Variants in C1QTNF3 observed in about 807,000 individuals in gnomAD.
The protein encoded by C1QTNF3 is complement C1q tumor necrosis factor-related protein 3.
A neutral mutation model predicts 32.6 loss-of-function variants in C1QTNF3; 26 were observed. That is an observed-to-expected ratio of 0.80 (90% CI 0.58 to 1.11). The LOEUF is 1.11. C1QTNF3 is among the 50% of genes least tolerant of loss of function. The probability of loss-of-function intolerance (pLI) is 0.00; values close to 1 mark genes in which losing one functional copy is unlikely to be tolerated. For synonymous variants in C1QTNF3, 155 were observed against 146.0 expected (o/e 1.06, Z -0.44); for missense variants, 362 against 398.2 (o/e 0.91, Z 0.77).
At chr5:34,034,967 T>C (rs1754699128) in intron 2 of C1QTNF3, among the ~76,000 whole-genome samples, 1 of 152,212 alleles carries the variant, frequency 6.6e-6, no homozygotes, top group South Asian at 2.1e-4. Context: ...CAGTGGACTT[T>C]GGCCAGACCC....
At chr5:34,038,603 A>G (rs1461537342) in intron 1 of C1QTNF3, among the ~76,000 whole-genome samples, 2 of 152,166 alleles carry the variant, frequency 1.3e-5, no homozygotes, top group African/African-American at 4.8e-5. Flanking sequence ...AAAGAAATGC[A>G]ATTGTCTTAA....
the C1QTNF3 span, among the ~76,000 whole-genome samples, chr5:34,236,328 T>G: frequency 1.3e-5 from 2 of 151,488 alleles, no homozygotes; most frequent in Non-Finnish European, 2.9e-5. Context: ...GAGGTGGAGG[T>G]TGCAGTGAGC....
the C1QTNF3 span, among the ~76,000 whole-genome samples, chr5:34,048,887 C>T: frequency 6.6e-6 from 1 of 152,186 alleles, no homozygotes; most frequent in Non-Finnish European, 1.5e-5. Flanking sequence ...ATGCTCCTGC[C>T]ACAAGGAACA....
chr5:34,173,270 G>A, the C1QTNF3 span, among the ~76,000 whole-genome samples: 3 of 152,012 alleles, frequency 2.0e-5, no homozygotes, highest in Non-Finnish European at 2.9e-5. Context: ...ACAGTGCCTA[G>A]AATGTACAAT....
chr5:34,168,416 T>C, the C1QTNF3 span: 3 of 151,344 alleles, frequency 2.0e-5, no homozygotes, highest in East Asian at 3.9e-4. Flanking sequence ...TAAACACTTT[T>C]GCAAGGTGAG....
the C1QTNF3 span, among the ~76,000 whole-genome samples, chr5:34,147,536 T>C: frequency 6.6e-6 from 1 of 151,994 alleles, no homozygotes; most frequent in Non-Finnish European, 1.5e-5. Flanking sequence ...CAGCTGGTGG[T>C]CATAATACTA....
the C1QTNF3 span, among the ~76,000 whole-genome samples, chr5:34,078,217 A>G: frequency 0.032 from 4,865 of 151,576 alleles, 85 homozygotes; most frequent in Non-Finnish European, 0.044. The surrounding 1 kb of genome is among the most constrained non-coding windows in gnomAD (Gnocchi z 4.0). Flanking sequence ...TATAACATGA[A>G]TTTTGTTTTT....
chr5:34,224,605 A>T, the C1QTNF3 span, among the ~76,000 whole-genome samples: 1 of 152,212 alleles, frequency 6.6e-6, no homozygotes, highest in Non-Finnish European at 1.5e-5. Context: ...CCATATGGAG[A>T]AAGCTGAAAC....
At chr5:34,084,561 G>A in the C1QTNF3 span, among the ~76,000 whole-genome samples, 6 of 151,318 alleles carry the variant, frequency 4.0e-5, no homozygotes, top group African/African-American at 1.2e-4. Flanking sequence ...ATTGCATTGC[G>A]CCCCTCTGCA....
At chr5:34,069,634 A>G in the C1QTNF3 span, among the ~76,000 whole-genome samples, 1 of 152,218 alleles carries the variant, frequency 6.6e-6, no homozygotes, top group South Asian at 2.1e-4. Context: ...TCTCAAATAA[A>G]GGGAATGGAT....
At chr5:34,095,726 G>C in the C1QTNF3 span, among the ~76,000 whole-genome samples, 11 of 151,956 alleles carry the variant, frequency 7.2e-5, no homozygotes, top group Non-Finnish European at 1.6e-4. Context: ...GATAGAACTT[G>C]CAAGTTCTCA....
At chr5:34,239,811 C>T in the C1QTNF3 span, among the ~76,000 whole-genome samples, 2 of 151,358 alleles carry the variant, frequency 1.3e-5, no homozygotes, top group Non-Finnish European at 3.0e-5. Context: ...CAGAACACTC[C>T]ACTCAATAAC....
At chr5:34,121,021 TATCTC>T in the C1QTNF3 span, among the ~76,000 whole-genome samples, 1 of 152,240 alleles carries the variant, frequency 6.6e-6, no homozygotes, top group Non-Finnish European at 1.5e-5. Context: ...TGTTTAAAAA[TATCTC>T]AGGCAGAGAT....
chr5:34,023,331 T>G (rs1754387989), intron 5 of C1QTNF3, among the ~76,000 whole-genome samples: 1 of 152,224 alleles, frequency 6.6e-6, no homozygotes, highest in Non-Finnish European at 1.5e-5. Flanking sequence ...TTAGAGTAAC[T>G]GGATCTCTTA....
the C1QTNF3 span, among the ~76,000 whole-genome samples, chr5:34,163,781 A>G: frequency 6.6e-6 from 1 of 152,186 alleles, no homozygotes; most frequent in African/African-American, 2.4e-5. Flanking sequence ...CACATTTTGA[A>G]TCAGTGATTG....
At chr5:34,160,688 A>G in the C1QTNF3 span, among the ~76,000 whole-genome samples, 1 of 152,138 alleles carries the variant, frequency 6.6e-6, no homozygotes, top group Non-Finnish European at 1.5e-5. Context: ...CAGCTACTCC[A>G]ACTGTTGTCA....
At chr5:34,078,517 AACTC>A in the C1QTNF3 span, among the ~76,000 whole-genome samples, 7 of 151,862 alleles carry the variant, frequency 4.6e-5, no homozygotes, top group East Asian at 1.2e-3. The surrounding 1 kb of genome is among the most constrained non-coding windows in gnomAD (Gnocchi z 4.0). Flanking sequence ...ATCTTGTGGG[AACTC>A]ACTCACTATC....
At chr5:34,039,244 C>T (rs367896827) in intron 1 of C1QTNF3, among the ~76,000 whole-genome samples, 18 of 152,238 alleles carry the variant, frequency 1.2e-4, no homozygotes, top group East Asian at 1.2e-3. Context: ...GGAGAAGTAA[C>T]GCAAGACCCC....
the C1QTNF3 span, among the ~76,000 whole-genome samples, chr5:34,058,072 C>T: frequency 4.6e-5 from 7 of 152,154 alleles, no homozygotes; most frequent in African/African-American, 9.7e-5. Context: ...TGCACAAGCA[C>T]GTATCTACCA....
Sources: gnomAD v4.1 joint callset for allele counts (sites outside exome capture counted in the v4.1 genomes callset) on GRCh38, gnomAD v4.1.1 for gene constraint, Gnocchi (gnomAD v3.1) non-coding constraint, MANE v1.5 for transcripts, NCBI Gene and HGNC (gene_info 2026-07-23, HGNC 2026-07-21) for gene names.